Variants in EYS observed in about 807,000 individuals in gnomAD.
The protein encoded by EYS is protein eyes shut homolog.
Under a neutral mutation model 282.1 loss-of-function variants are expected in EYS, and 250 were observed. That is an observed-to-expected ratio of 0.89 (90% confidence interval 0.80 to 0.98). The LOEUF (loss-of-function observed/expected upper bound fraction) is 0.98, where lower values mean the gene tolerates loss of function less well. Ranked by LOEUF, EYS falls within the 50% of genes least tolerant of loss-of-function variation. EYS has a pLI of 0.00. For missense variants in EYS, 4,016 were observed against 3,709.0 expected (o/e 1.08, Z -2.15); for synonymous variants, 1,355 against 1,282.9 (o/e 1.06, Z -1.20).
chr6:65,504,557 G>T (rs1468444561), intron 2 of EYS, among the ~76,000 whole-genome samples: 1 of 151,522 alleles, frequency 6.6e-6, no homozygotes, highest in African/African-American at 2.4e-5. Flanking sequence ...TTACTAAATT[G>T]CTGTTTTTCT....
At chr6:64,323,997 A>C (rs1182360993) in intron 29 of EYS, among the ~76,000 whole-genome samples, 3 of 152,126 alleles carry the variant, frequency 2.0e-5, no homozygotes, top group Non-Finnish European at 4.4e-5. Context: ...GTTTACATTC[A>C]ACAATGGGTC....
chr6:64,991,528 C>G (rs1771062964), intron 14 of EYS, among the ~76,000 whole-genome samples: 1 of 151,488 alleles, frequency 6.6e-6, no homozygotes, highest in Non-Finnish European at 1.5e-5. Flanking sequence ...ATAATGATTT[C>G]AAACATTATA....
At chr6:64,808,642 C>A (rs111887778) in intron 22 of EYS, among the ~76,000 whole-genome samples, 123 of 150,830 alleles carry the variant, frequency 8.2e-4, no homozygotes, top group African/African-American at 2.6e-3. Flanking sequence ...TTTTTTCTTT[C>A]TTCATCAAAA....
chr6:64,456,921 C>T (rs1236573581), intron 26 of EYS, among the ~76,000 whole-genome samples: 1 of 151,960 alleles, frequency 6.6e-6, no homozygotes, highest in Non-Finnish European at 1.5e-5. Context: ...AGCACTTTTA[C>T]ATACATTACC....
chr6:64,531,695 T>A (rs1200105911), intron 26 of EYS, among the ~76,000 whole-genome samples: 1 of 151,862 alleles, frequency 6.6e-6, no homozygotes, highest in Non-Finnish European at 1.5e-5. Context: ...CCTCCCAAAG[T>A]ACTGGGATTA....
At chr6:64,253,070 T>C (rs1407269571) in intron 30 of EYS, among the ~76,000 whole-genome samples, 3 of 152,156 alleles carry the variant, frequency 2.0e-5, no homozygotes, top group East Asian at 3.9e-4. Context: ...TCAATGCTTT[T>C]AACTATATGT....
At chr6:64,833,059 A>T (rs1335406533) in intron 19 of EYS, among the ~76,000 whole-genome samples, 1 of 151,916 alleles carries the variant, frequency 6.6e-6, no homozygotes, top group Admixed American at 6.6e-5. Flanking sequence ...GATCATTAGG[A>T]CTAATTTTAT....
intron 1 of EYS, among the ~76,000 whole-genome samples, chr6:65,643,153 C>T (rs1455213719): frequency 1.3e-5 from 2 of 152,170 alleles, no homozygotes; most frequent in Admixed American, 1.3e-4. Flanking sequence ...GCCCTGGTCA[C>T]CAGCTGCCTA....
intron 7 of EYS, among the ~76,000 whole-genome samples, chr6:65,398,609 T>C (rs1289461677): frequency 6.6e-6 from 1 of 151,962 alleles, no homozygotes; most frequent in Non-Finnish European, 1.5e-5. Flanking sequence ...AAAACAAAAA[T>C]AGACAAAAAT....
At chr6:64,009,644 C>T (rs1768513664) in intron 33 of EYS, among the ~76,000 whole-genome samples, 2 of 152,076 alleles carry the variant, frequency 1.3e-5, no homozygotes, top group South Asian at 2.1e-4. Flanking sequence ...TTTTATTGTA[C>T]TCCTTAGATT....
At chr6:65,274,074 G>A (rs1417826401) in intron 12 of EYS, among the ~76,000 whole-genome samples, 3 of 152,116 alleles carry the variant, frequency 2.0e-5, no homozygotes, top group Non-Finnish European at 4.4e-5. Context: ...GGGGCCCAGT[G>A]AGTCCCCAGA....
chr6:65,075,390 A>G (rs1017781256), intron 12 of EYS, among the ~76,000 whole-genome samples: 3 of 152,076 alleles, frequency 2.0e-5, no homozygotes, highest in Admixed American at 6.6e-5. Context: ...GGATGGAACT[A>G]CTATATAAAC....
At chr6:65,083,424 C>G (rs572071892) in intron 12 of EYS, among the ~76,000 whole-genome samples, 1 of 152,036 alleles carries the variant, frequency 6.6e-6, no homozygotes, top group East Asian at 1.9e-4. Flanking sequence ...CATTATGACT[C>G]TTTACATGAC....
At chr6:65,132,927 G>T (rs1337762108) in intron 12 of EYS, among the ~76,000 whole-genome samples, 1 of 151,822 alleles carries the variant, frequency 6.6e-6, no homozygotes, top group Non-Finnish European at 1.5e-5. Flanking sequence ...GAACAGCCAA[G>T]CTGAGAGGCA....
intron 10 of EYS, among the ~76,000 whole-genome samples, chr6:65,338,207 T>C (rs1770061844): frequency 6.6e-6 from 1 of 150,872 alleles, no homozygotes; most frequent in Non-Finnish European, 1.5e-5. Context: ...AAAATAATTT[T>C]GGATTTCAAC....
intron 29 of EYS, among the ~76,000 whole-genome samples, chr6:64,336,924 T>G (rs978075393): frequency 6.6e-6 from 1 of 152,030 alleles, no homozygotes; most frequent in Non-Finnish European, 1.5e-5. Context: ...TTCTTCAAAC[T>G]GAACGACAAT....
Position 64,883,966 on chromosome 6 carries a change from CATAAGA to C in EYS, c.2992+2725_2992+2730del, listed in dbSNP as rs1416438706. Among the ~76,000 whole-genome samples, 3 of 151,644 alleles carry C rather than the reference CATAAGA, an allele frequency of 2.0e-5. No individual in the cohort carries two copies. In the East Asian group the frequency reaches 5.8e-4, roughly 29 times the overall value. ...TCCAATTCTAGATACCACAAGTCTT[CATAAGA>C]ATAAGAACCATGTCAGCCTTGATCA... On this transcript the variant is annotated intron_variant, in intron 19 of 42. Coordinates refer to ENST00000503581, the MANE Select transcript of EYS (RefSeq NM_001142800.2).
intron 12 of EYS, among the ~76,000 whole-genome samples, chr6:65,115,003 T>C (rs1173809325): frequency 6.6e-6 from 1 of 152,056 alleles, no homozygotes; most frequent in African/African-American, 2.4e-5. Flanking sequence ...TAGGTAGAGC[T>C]GATTTTACTT....
At chr6:65,133,566 T>C (rs1056494579) in intron 12 of EYS, among the ~76,000 whole-genome samples, 5 of 152,002 alleles carry the variant, frequency 3.3e-5, no homozygotes, top group African/African-American at 1.2e-4. Context: ...ACTAGCTAGC[T>C]ATATGCAAAA....
Sources: gnomAD v4.1 joint callset for allele counts (sites outside exome capture counted in the v4.1 genomes callset) on GRCh38, gnomAD v4.1.1 for gene constraint, MANE v1.5 for transcripts, NCBI Gene and HGNC (gene_info 2026-07-23, HGNC 2026-07-21) for gene names.